The following EML5 variants were observed in gnomAD, a reference collection of about 807,000 sequenced individuals.
EML5 encodes EMAP like 5.
A neutral mutation model predicts 250.0 loss-of-function variants in EML5; 120 were observed. The ratio of observed to expected loss-of-function variants is 0.48; its 90% confidence interval spans 0.41 to 0.56. The LOEUF (loss-of-function observed/expected upper bound fraction) is 0.56. EML5 is among the 20% of genes least tolerant of loss of function. The pLI is 0.00. For synonymous variants in EML5, 771 were observed against 806.5 expected (o/e 0.96, Z 0.75); for missense variants, 2,006 against 2,437.6 (o/e 0.82, Z 3.73).
intron 15 of EML5, 133 bp from the exon 16 acceptor site, chr14:88,695,587 AC>A (rs1161547398): frequency 1.2e-6 from 1 of 812,070 alleles, no homozygotes; most frequent in Non-Finnish European, 1.9e-6. Flanking sequence ...GCATGCATAC[AC>A]CTATAAAAAG....
chr14:88,630,023 A>ATTTTTT (rs58382081), intron 33 of EML5, among the ~76,000 whole-genome samples: 32 of 84,222 alleles, frequency 3.8e-4, no homozygotes, highest in Middle Eastern at 7.6e-3. Flanking sequence ...TAAAAACTGT[A>ATTTTTT]TTTTTTTTTT....
intron 22 of EML5, 114 bp from the exon 23 acceptor site, chr14:88,664,738 A>T: frequency 2.0e-6 from 2 of 1,018,356 alleles, no homozygotes; most frequent in Non-Finnish European, 2.8e-6. Context: ...CTGTTTCATA[A>T]ATTATAATAA....
At chr14:88,666,545 T>A (rs1037838716) in intron 21 of EML5, among the ~76,000 whole-genome samples, 5 of 152,192 alleles carry the variant, frequency 3.3e-5, no homozygotes, top group East Asian at 3.8e-4. Context: ...AAAATATTTT[T>A]AAAAATCTAA....
Position 88,616,893 on chromosome 14 carries a change from A to C in EML5, c.5643-14T>G. The C allele has an allele frequency of 6.2e-7, 1 of 1,609,958 alleles. No individual in the cohort carries two copies. The highest frequency in any genetic ancestry group is 8.5e-7 in the Non-Finnish European group (1 of 1,178,270). Reference sequence around the variant, plus strand: ...TCTCCTAGAATACTAGAGGGAAGGAACAAAAGAAAACTCATCATGGCAAGT... The same window carrying C: ...TCTCCTAGAATACTAGAGGGAAGGACCAAAAGAAAACTCATCATGGCAAGT... On this transcript the variant is annotated splice_polypyrimidine_tract_variant and intron_variant, in intron 41 of 43. Coordinates refer to ENST00000554922, the MANE Select transcript of EML5 (RefSeq NM_183387.3).
chr14:88,633,351 C>T (rs1462620118), intron 33 of EML5, among the ~76,000 whole-genome samples: 1 of 151,880 alleles, frequency 6.6e-6, no homozygotes, highest in Admixed American at 6.6e-5. Flanking sequence ...AACTCCTGGC[C>T]TCGGAACTCC....
chr14:88,765,683 A>T (rs1257424745), intron 1 of EML5, among the ~76,000 whole-genome samples: 1 of 152,202 alleles, frequency 6.6e-6, no homozygotes, highest in African/African-American at 2.4e-5. Flanking sequence ...GGTTCCAGGA[A>T]TTAGAGTATG....
At chr14:88,693,466 G>C (rs1381291310) in intron 17 of EML5, among the ~76,000 whole-genome samples, 1 of 152,182 alleles carries the variant, frequency 6.6e-6, no homozygotes, top group African/African-American at 2.4e-5. Flanking sequence ...CACAAGAACA[G>C]TATGGCGAAC....
At chr14:88,724,639 T>C (rs1170190373) in intron 8 of EML5, among the ~76,000 whole-genome samples, 1 of 152,230 alleles carries the variant, frequency 6.6e-6, no homozygotes, top group Middle Eastern at 3.2e-3. Context: ...ACATGCATCT[T>C]AAATTCTTGT....
chr14:88,689,357 G>C (rs962131586), intron 17 of EML5, among the ~76,000 whole-genome samples: 3 of 152,224 alleles, frequency 2.0e-5, no homozygotes, highest in Non-Finnish European at 4.4e-5. Flanking sequence ...ACAGTGAAAA[G>C]AATTCCTTGT....
rs1463743571 is a variant in EML5 at position 88,740,496 on chromosome 14, A to C, written c.602T>G (p.Leu201Arg). Reference sequence around the variant, plus strand: ...TTCATCCCTTGCACAGGCTAGGCACAGTATTGTCTGAAGGTCACCCGTCTT... The same window carrying C: ...TTCATCCCTTGCACAGGCTAGGCACCGTATTGTCTGAAGGTCACCCGTCTT... ...FGKTGDLQTI[L>R]CLACARDELT... Residue 201 changes from leucine to arginine, a missense_variant, in exon 5 of 44, where the codon CTG becomes CGG. Transcript: ENST00000554922. 6.2e-7 allele frequency: 1 copy of C among 1,613,798 alleles called. No individual in the cohort carries two copies. The highest frequency in any genetic ancestry group is 1.7e-5 in the Admixed American group (1 of 60,010).
chr14:88,642,145 G>A (rs2091099249), intron 31 of EML5, among the ~76,000 whole-genome samples: 1 of 152,100 alleles, frequency 6.6e-6, no homozygotes, highest in Non-Finnish European at 1.5e-5. Flanking sequence ...TACCCATTCA[G>A]GATGAAGCTA....
intron 1 of EML5, among the ~76,000 whole-genome samples, chr14:88,773,380 G>C (rs1298703612): frequency 6.6e-6 from 1 of 152,218 alleles, no homozygotes; most frequent in Non-Finnish European, 1.5e-5. Context: ...TCTCCAAACA[G>C]GGAATATCCA....
At chr14:88,632,567 A>C (rs1806543594) in intron 33 of EML5, among the ~76,000 whole-genome samples, 1 of 152,124 alleles carries the variant, frequency 6.6e-6, no homozygotes, top group Admixed American at 6.5e-5. Flanking sequence ...ATCCAGCCTC[A>C]GGGTTTATGC....
At chr14:88,749,643 A>G (rs1384949465) in intron 2 of EML5, among the ~76,000 whole-genome samples, 1 of 152,292 alleles carries the variant, frequency 6.6e-6, no homozygotes, top group East Asian at 1.9e-4. Flanking sequence ...AGAAGAAAGG[A>G]AACAGCAGAA....
At chr14:88,671,910 T>C (rs558788563) in intron 21 of EML5, among the ~76,000 whole-genome samples, 2 of 152,260 alleles carry the variant, frequency 1.3e-5, no homozygotes, top group Admixed American at 1.3e-4. Flanking sequence ...AACAAGTTCT[T>C]AGAGACCTAC....
chr14:88,694,482 C>T, intron 16 of EML5, 75 bp from the exon 17 acceptor site: 1 of 1,005,076 alleles, frequency 9.9e-7, no homozygotes, highest in Admixed American at 2.7e-5. Context: ...AATCCATACC[C>T]TATCTTGATT....
intron 21 of EML5, among the ~76,000 whole-genome samples, chr14:88,680,110 T>C (rs1398800293): frequency 6.6e-6 from 1 of 152,206 alleles, no homozygotes; most frequent in Non-Finnish European, 1.5e-5. Context: ...CAGCTATACT[T>C]ATATTATGAT....
intron 1 of EML5, among the ~76,000 whole-genome samples, chr14:88,763,821 T>C (rs148302864): frequency 3.3e-5 from 5 of 152,324 alleles, no homozygotes; most frequent in African/African-American, 9.6e-5. Flanking sequence ...TTCCTGCTTT[T>C]ACAAGGAAAA....
At chr14:88,748,158 C>G (rs2094036191) in intron 2 of EML5, among the ~76,000 whole-genome samples, 1 of 151,966 alleles carries the variant, frequency 6.6e-6, no homozygotes, top group Non-Finnish European at 1.5e-5. Flanking sequence ...ATTTGCAGAG[C>G]AGGAAAAGAG....
Sources: allele counts gnomAD v4.1 joint callset (sites outside exome capture counted in the v4.1 genomes callset), GRCh38; gene constraint gnomAD v4.1.1; transcripts MANE v1.5; gene names NCBI Gene and HGNC (gene_info 2026-07-23, HGNC 2026-07-21).